The following DAB1 variants were observed in gnomAD, a reference collection of about 807,000 sequenced individuals.
DAB1 encodes the protein disabled homolog 1.
Under a neutral mutation model 64.6 loss-of-function variants are expected in DAB1, and 15 were observed. The ratio of observed to expected loss-of-function variants is 0.23; its 90% CI spans 0.16 to 0.36. The LOEUF (loss-of-function observed/expected upper bound fraction) is 0.36. Among genes scored for constraint, DAB1 ranks in the 10% least tolerant of loss-of-function variants. DAB1 has a pLI of 1.00. For synonymous variants in DAB1, 235 were observed against 251.9 expected (o/e 0.93, Z 0.64); for missense variants, 596 against 706.7 (o/e 0.84, Z 1.78).
rs1275131081 is a variant in DAB1, at chr1:57,435,033, CTTTTCTTT to C, written n.626-143875_626-143868del. Among the ~76,000 whole-genome samples, 571 of 137,214 alleles carry C rather than the reference CTTTTCTTT, an allele frequency of 4.2e-3. 9 individuals carry two copies. The highest frequency in any genetic ancestry group is 9.4e-3 in the South Asian group (41 of 4,364). The allele number at this position is 137,214 out of a possible 152,430, so 90.0% of individuals were successfully genotyped here. A position where few individuals can be genotyped will look rare whatever the true frequency, so the allele number is the denominator to read the frequency against. On this transcript the variant is annotated intron_variant and non_coding_transcript_variant, in intron 7 of 20. Coordinates refer to the DAB1 transcript ENST00000485760. ...ATTTTTTAAGCTTGACTCTCTTTTT[CTTTTCTTT>C]TTTTCTTTTTTTTTTTTTTTTTTTT...
intron 1 of DAB1, among the ~76,000 whole-genome samples, chr1:57,868,417 C>T (rs1159684527): frequency 6.6e-6 from 1 of 152,114 alleles, no homozygotes; most frequent in African/African-American, 2.4e-5. Flanking sequence ...TTGCCAGAGG[C>T]CATCTGATCT....
intron 1 of DAB1, among the ~76,000 whole-genome samples, chr1:57,861,292 G>T (rs1002839353): frequency 1.6e-4 from 24 of 152,202 alleles, no homozygotes; most frequent in African/African-American, 5.5e-4. Context: ...ACATACAAGA[G>T]AAATATATTT....
At chr1:57,757,220 T>TTTTTTTTTTTTTTTTCTTTTTG (rs200688727) in intron 6 of DAB1, among the ~76,000 whole-genome samples, 1 of 120,152 alleles carries the variant, frequency 8.3e-6, no homozygotes, top group African/African-American at 2.8e-5. Flanking sequence ...TTTTTTTTTT[T>TTTTTTTTTTTTTTTTCTTTTTG]AGCAGCAATG....
In DAB1 at chr1:58,056,265, A is replaced by C. The variant is rs534051762; in HGVS notation, n.387+94246T>G. ...TGTGAATTGCACAACTCACACAGTA[A>C]TGTAGCTTCACATACAGCTTGGGAA... On this transcript the variant is annotated intron_variant and non_coding_transcript_variant, in intron 5 of 20. Transcript: ENST00000485760. 6.0e-5 allele frequency: 80 copies of C among 1,328,978 alleles called. No individual in the cohort carries two copies. In the African/African-American group the frequency reaches 1.1e-3, roughly 18 times the overall value. The allele number at this position is 1,328,978 out of a possible 1,614,324, so 82.3% of individuals were successfully genotyped here.
intron 2 of DAB1, among the ~76,000 whole-genome samples, chr1:57,276,059 T>C (rs1671433467): frequency 6.6e-6 from 1 of 152,206 alleles, no homozygotes; most frequent in South Asian, 2.1e-4. Flanking sequence ...AAGTTTATGA[T>C]ATGAGAATAG....
chr1:57,521,213 A>T (rs1261481981), intron 7 of DAB1, among the ~76,000 whole-genome samples: 1 of 152,180 alleles, frequency 6.6e-6, no homozygotes, highest in Non-Finnish European at 1.5e-5. Context: ...TGGATTTTTC[A>T]GTTCTCGAAA....
intron 1 of DAB1, among the ~76,000 whole-genome samples, chr1:57,333,525 T>C (rs1168079004): frequency 6.6e-6 from 1 of 152,250 alleles, no homozygotes; most frequent in Non-Finnish European, 1.5e-5. Flanking sequence ...CTCGCTTGCA[T>C]TGCTTGCAAT....
At chr1:57,960,366 T>C (rs1179400975) in intron 5 of DAB1, among the ~76,000 whole-genome samples, 2 of 152,202 alleles carry the variant, frequency 1.3e-5, no homozygotes, top group Non-Finnish European at 2.9e-5. Flanking sequence ...ATGAAGATTT[T>C]TTAAAAATTC....
At chr1:58,241,566 A>G (rs1342629719) in intron 4 of DAB1, among the ~76,000 whole-genome samples, 1 of 152,074 alleles carries the variant, frequency 6.6e-6, no homozygotes, top group Non-Finnish European at 1.5e-5. Flanking sequence ...ATCATATATA[A>G]TGTAGATGAA....
chr1:58,442,003 A>G (rs956687312), intron 3 of DAB1, among the ~76,000 whole-genome samples: 1 of 152,170 alleles, frequency 6.6e-6, no homozygotes, highest in African/African-American at 2.4e-5. Flanking sequence ...ACTCATTCTG[A>G]TGTCTCCCCA....
intron 5 of DAB1, among the ~76,000 whole-genome samples, chr1:58,068,505 C>G (rs1649001193): frequency 6.6e-6 from 1 of 152,126 alleles, no homozygotes; most frequent in African/African-American, 2.4e-5. Flanking sequence ...GTGGCTCACG[C>G]CTGTAATCCC....
chr1:58,220,022 A>C (rs925515414), intron 4 of DAB1, among the ~76,000 whole-genome samples: 4 of 152,256 alleles, frequency 2.6e-5, no homozygotes. Flanking sequence ...GCCTGTGCGT[A>C]TTAAATGAGA....
chr1:58,485,483 C>T (rs1645561916), intron 3 of DAB1, among the ~76,000 whole-genome samples: 1 of 151,956 alleles, frequency 6.6e-6, no homozygotes, highest in Non-Finnish European at 1.5e-5. Context: ...CATGTGTGAA[C>T]TGTTTCTCCT....
rs142628077 is a variant in DAB1 at position 57,131,283 on chromosome 1, C to A, written c.306+5260G>T. Among the ~76,000 whole-genome samples the A allele has an allele frequency of 7.3e-3, 1,115 of 152,298 alleles. 9 individuals carry two copies. The highest frequency in any genetic ancestry group is 0.019 in the South Asian group (92 of 4,826). ...GTGGAACTTCATGAAGTCATTTAAC[C>A]TACCTGTACCTTAGTTGATCCATCT... On this transcript the variant is annotated intron_variant, in intron 4 of 14. Transcript: ENST00000371236.
chr1:57,512,822 G>C (rs1644420473), intron 7 of DAB1, among the ~76,000 whole-genome samples: 1 of 152,128 alleles, frequency 6.6e-6, no homozygotes, highest in Non-Finnish European at 1.5e-5. Context: ...AGGTTTGGGG[G>C]CATGGCATTC....
intron 6 of DAB1, among the ~76,000 whole-genome samples, chr1:57,737,404 A>T (rs1399983089): frequency 6.6e-6 from 1 of 152,156 alleles, no homozygotes; most frequent in African/African-American, 2.4e-5. Context: ...TCCTTACTCT[A>T]CCACTATGGT....
chr1:57,679,466 C>T (rs1646611277), intron 6 of DAB1, among the ~76,000 whole-genome samples: 1 of 152,214 alleles, frequency 6.6e-6, no homozygotes, highest in Non-Finnish European at 1.5e-5. Flanking sequence ...TCATCTTTAG[C>T]CACTCTGAGA....
At chr1:58,450,252 G>A (rs1293466738) in intron 3 of DAB1, among the ~76,000 whole-genome samples, 1 of 152,190 alleles carries the variant, frequency 6.6e-6, no homozygotes, top group African/African-American at 2.4e-5. Context: ...TGAATTTCCT[G>A]TTGATTTTTC....
At chr1:58,132,734 G>C (rs1026321631) in intron 5 of DAB1, among the ~76,000 whole-genome samples, 4 of 152,158 alleles carry the variant, frequency 2.6e-5, no homozygotes, top group African/African-American at 9.7e-5. Context: ...GGGAGAGCCA[G>C]CCTCGCCAGG....
Sources: gnomAD v4.1 joint callset for allele counts (sites outside exome capture counted in the v4.1 genomes callset) on GRCh38, gnomAD v4.1.1 for gene constraint, MANE v1.5 for transcripts, NCBI Gene and HGNC (gene_info 2026-07-23, HGNC 2026-07-21) for gene names.